The following EDIL3 variants were observed in gnomAD, a reference collection of about 807,000 sequenced individuals.
The protein encoded by EDIL3 is EGF-like repeat and discoidin I-like domain-containing protein 3.
EDIL3 carries 37 observed loss-of-function variants against 67.4 expected under a neutral mutation model. The observed-to-expected ratio is 0.55, with a 90% CI of 0.42 to 0.72. The LOEUF (loss-of-function observed/expected upper bound fraction) is 0.72. Among genes scored for constraint, EDIL3 ranks in the 30% least tolerant of loss-of-function variants. The pLI is 0.00. For synonymous variants in EDIL3, 195 were observed against 196.3 expected (o/e 0.99, Z 0.05); for missense variants, 527 against 586.3 (o/e 0.90, Z 1.04).
chr5:83,975,310 A>T (rs1475805978), intron 9 of EDIL3, among the ~76,000 whole-genome samples: 1 of 152,040 alleles, frequency 6.6e-6, no homozygotes, highest in Non-Finnish European at 1.5e-5. Context: ...TAAAAATCAC[A>T]GTCTTAAGCT....
At chr5:84,134,816 A>G (rs1048776685) in intron 5 of EDIL3, among the ~76,000 whole-genome samples, 1 of 152,198 alleles carries the variant, frequency 6.6e-6, no homozygotes, top group Non-Finnish European at 1.5e-5. Flanking sequence ...CAGCACACGG[A>G]GAATACAGGA....
chr5:83,993,460 C>T lies in EDIL3; in HGVS notation c.1138-30100G>A, dbSNP rs548124032. On this transcript the variant is annotated intron_variant, in intron 9 of 10. Coordinates refer to ENST00000296591, the MANE Select transcript of EDIL3 (RefSeq NM_005711.5). Reference sequence around the variant, plus strand: ...TGACTTAAAAAATCAAAGTATTTGACAAAGTGATATTTTATTTATAAACCA... The same window carrying T: ...TGACTTAAAAAATCAAAGTATTTGATAAAGTGATATTTTATTTATAAACCA... Among the ~76,000 whole-genome samples the T allele has an allele frequency of 7.2e-5, 11 of 152,274 alleles. No individual in the cohort carries two copies. The South Asian group carries it at 2.1e-3, about 29-fold the overall frequency.
intron 9 of EDIL3, among the ~76,000 whole-genome samples, chr5:84,029,242 G>C (rs1440691052): frequency 6.6e-6 from 1 of 152,034 alleles, no homozygotes; most frequent in Non-Finnish European, 1.5e-5. Flanking sequence ...GGGACAGAGG[G>C]ATACTCCATC....
At chr5:84,079,493 G>A (rs1219578242) in intron 6 of EDIL3, among the ~76,000 whole-genome samples, 1 of 152,032 alleles carries the variant, frequency 6.6e-6, no homozygotes, top group Non-Finnish European at 1.5e-5. Flanking sequence ...GTTGTTGGTG[G>A]GGAGAATCAC....
intron 3 of EDIL3, among the ~76,000 whole-genome samples, chr5:84,197,709 T>A (rs13165263): frequency 0.15 from 22,115 of 150,936 alleles, 1,755 homozygotes; most frequent in Non-Finnish European, 0.16. Context: ...GCTAAATTTG[T>A]AGAACTGAAA....
At chr5:84,023,227 A>G in intron 9 of EDIL3, among the ~76,000 whole-genome samples, 1 of 152,116 alleles carries the variant, frequency 6.6e-6, no homozygotes, top group East Asian at 1.9e-4. Flanking sequence ...TCTTGAATAG[A>G]TACAATTTTT....
chr5:84,108,394 T>C (rs1398369364), intron 5 of EDIL3, among the ~76,000 whole-genome samples: 1 of 152,070 alleles, frequency 6.6e-6, no homozygotes, highest in Admixed American at 6.6e-5. Flanking sequence ...AAAAAATTAC[T>C]TGGTATGATA....
chr5:84,024,547 G>A (rs1456660941), intron 9 of EDIL3, among the ~76,000 whole-genome samples: 1 of 152,110 alleles, frequency 6.6e-6, no homozygotes, highest in East Asian at 1.9e-4. Context: ...CACAGTAAGG[G>A]TGACATGGTA....
At chr5:84,061,124 T>C (rs1015885142) in intron 8 of EDIL3, among the ~76,000 whole-genome samples, 1 of 152,132 alleles carries the variant, frequency 6.6e-6, no homozygotes, top group African/African-American at 2.4e-5. Flanking sequence ...TTTAAACTAA[T>C]AGATAACAGA....
intron 1 of EDIL3, among the ~76,000 whole-genome samples, chr5:84,279,067 T>C (rs78027142): frequency 6.6e-6 from 1 of 152,308 alleles, no homozygotes; most frequent in African/African-American, 2.4e-5. Context: ...GATACCATGA[T>C]AATGCCTGTA....
At chr5:83,952,813 C>G (rs140573965) in intron 10 of EDIL3, among the ~76,000 whole-genome samples, 1 of 151,786 alleles carries the variant, frequency 6.6e-6, no homozygotes, top group Admixed American at 6.6e-5. Context: ...TAATTCTTCC[C>G]GCATTAGGAG....
At chr5:83,954,743 A>G (rs1044837374) in intron 10 of EDIL3, among the ~76,000 whole-genome samples, 5 of 151,814 alleles carry the variant, frequency 3.3e-5, no homozygotes, top group Admixed American at 3.3e-4. Context: ...AACTATCAAA[A>G]TAATGACATA....
intron 1 of EDIL3, among the ~76,000 whole-genome samples, chr5:84,354,233 A>G (rs1747424861): frequency 2.0e-5 from 3 of 152,170 alleles, no homozygotes; most frequent in African/African-American, 7.2e-5. Flanking sequence ...CAGTAACACT[A>G]GGAAGAAAGC....
chr5:84,224,619 A>G (rs1744412859), intron 3 of EDIL3, among the ~76,000 whole-genome samples: 1 of 151,504 alleles, frequency 6.6e-6, no homozygotes, highest in African/African-American at 2.4e-5. Flanking sequence ...TCAAAAATAC[A>G]TATCATATGT....
chr5:84,131,428 T>C (rs745555741), intron 5 of EDIL3, among the ~76,000 whole-genome samples: 35 of 152,164 alleles, frequency 2.3e-4, no homozygotes, highest in Non-Finnish European at 1.5e-4. Context: ...ACTCATCAAG[T>C]GTAAGTGTTT....
chr5:84,218,177 G>A (rs554440982), intron 3 of EDIL3, among the ~76,000 whole-genome samples: 3 of 152,276 alleles, frequency 2.0e-5, no homozygotes, highest in African/African-American at 7.2e-5. Context: ...GTGACTAAAT[G>A]TGAATGGTTA....
chr5:84,312,633 A>G (rs1024471152), intron 1 of EDIL3, among the ~76,000 whole-genome samples: 3 of 147,792 alleles, frequency 2.0e-5, no homozygotes, highest in Non-Finnish European at 3.0e-5. Context: ...TCCTTCCCGG[A>G]CGGGGCGGCT....
At chr5:84,315,817 C>T (rs991511421) in intron 1 of EDIL3, among the ~76,000 whole-genome samples, 2 of 152,090 alleles carry the variant, frequency 1.3e-5, no homozygotes, top group African/African-American at 4.8e-5. Flanking sequence ...GTCAGATTCA[C>T]CCAGGTTGAA....
intron 3 of EDIL3, among the ~76,000 whole-genome samples, chr5:84,227,779 T>A: frequency 6.6e-6 from 1 of 152,082 alleles, no homozygotes; most frequent in South Asian, 2.1e-4. Context: ...CTTAGCAACA[T>A]GGATGGAGCT....
Sources: gnomAD v4.1 joint callset for allele counts (sites outside exome capture counted in the v4.1 genomes callset) on GRCh38, gnomAD v4.1.1 for gene constraint, MANE v1.5 for transcripts, NCBI Gene and HGNC (gene_info 2026-07-23, HGNC 2026-07-21) for gene names.